The following UBXN4 variants were observed in gnomAD, a reference collection of about 807,000 sequenced individuals.
The protein encoded by UBXN4 is UBX domain protein 4.
A neutral mutation model predicts 66.2 loss-of-function variants in UBXN4; 35 were observed. The observed-to-expected ratio is 0.53, with a 90% CI of 0.40 to 0.70. The LOEUF (loss-of-function observed/expected upper bound fraction) is 0.70, where lower values mean the gene tolerates loss of function less well. Ranked by LOEUF, UBXN4 falls within the 30% of genes least tolerant of loss-of-function variation. UBXN4 has a pLI of 0.00. For missense variants in UBXN4, 533 were observed against 599.8 expected (o/e 0.89, Z 1.16); for synonymous variants, 203 against 204.5 (o/e 0.99, Z 0.06).
At chr2:135,771,293 A>G (rs775266179) in intron 8 of UBXN4, among the ~76,000 whole-genome samples, 1 of 152,124 alleles carries the variant, frequency 6.6e-6, no homozygotes, top group African/African-American at 2.4e-5. Flanking sequence ...CCTGGCCGAC[A>G]TGGTGAAACG....
chr2:135,776,542 G>A (rs2077416065), intron 10 of UBXN4, among the ~76,000 whole-genome samples, 191 bp downstream of exon 10: 1 of 152,206 alleles, frequency 6.6e-6, no homozygotes, highest in Non-Finnish European at 1.5e-5. Context: ...TATCTGCTTT[G>A]TGTGCAGAAG....
Position 135,780,343 on chromosome 2 carries a change from C to T in UBXN4, c.1346C>T (p.Ser449Leu). Reference protein sequence around the residue: ...PTQTSVRVTSSEPPNPASSSK... With the variant: ...PTQTSVRVTSLEPPNPASSSK... ...CAGACTTCAGTGAGAGTAACATCGTCAGAACCCCCAAACCCTGCATCATCT... is the reference window on the plus strand; with the variant it reads ...CAGACTTCAGTGAGAGTAACATCGTTAGAACCCCCAAACCCTGCATCATCT... Residue 449 changes from serine (S) to leucine (L), a missense_variant, in exon 12 of 13, where the codon TCA (serine) becomes TTA (leucine). Transcript: ENST00000272638. 6.2e-7 allele frequency: 1 copy of T among 1,614,184 alleles called. No individual in the cohort carries two copies. Among genetic ancestry groups the T allele is most frequent in the Non-Finnish European group, 8.5e-7 (1 of 1,180,036 alleles).
rs762096740 is a variant in UBXN4, at chr2:135,782,896, GTATAA to G, written c.*13_*17del. The G allele has an allele frequency of 8.7e-6, 14 of 1,603,444 alleles. No homozygotes were observed. Among genetic ancestry groups the G allele is most frequent in the Non-Finnish European group, 1.2e-5 (14 of 1,176,106 alleles). On this transcript the variant is annotated 3_prime_UTR_variant, in exon 13 of 13. Coordinates refer to ENST00000272638, the MANE Select transcript of UBXN4 (RefSeq NM_014607.4). The stretch of plus-strand genomic sequence containing the variant: ...CCACTCAACAGATGTAGTGTGACAA[GTATAA>G]TATGTGCAATAATCATTGTTTCTCT...
chr2:135,778,494 T>G (rs186784745), intron 10 of UBXN4, among the ~76,000 whole-genome samples: 113 of 152,298 alleles, frequency 7.4e-4, no homozygotes, highest in Middle Eastern at 6.8e-3. Flanking sequence ...ATTTATGCCT[T>G]GAGACAAGGA....
At chr2:135,753,629 T>A (rs1237882520) in intron 3 of UBXN4, 62 bp downstream of exon 3, 1 of 1,310,604 alleles carries the variant, frequency 7.6e-7, no homozygotes, top group African/African-American at 1.6e-5. Context: ...TTTGGTTAAT[T>A]TATGAAATTT....
intron 1 of UBXN4, among the ~76,000 whole-genome samples, chr2:135,744,177 A>G (rs533311075): frequency 6.6e-6 from 1 of 152,346 alleles, no homozygotes; most frequent in South Asian, 2.1e-4. Context: ...TCTTAGGTCT[A>G]AGATCTCAGT....
intron 10 of UBXN4, among the ~76,000 whole-genome samples, chr2:135,778,168 C>T (rs2077429315): frequency 7.6e-6 from 1 of 132,270 alleles, no homozygotes; most frequent in Admixed American, 8.6e-5. Context: ...CAGAGCAAGA[C>T]TGTCTCAAAA....
chr2:135,758,132 T>A (rs2077290029), intron 5 of UBXN4, among the ~76,000 whole-genome samples: 1 of 149,970 alleles, frequency 6.7e-6, no homozygotes, highest in Non-Finnish European at 1.5e-5. Flanking sequence ...TGGAGTGCAA[T>A]GGCACAATCT....
At chr2:135,761,721 A>G in intron 5 of UBXN4, 97 bp from the exon 6 acceptor site, 1 of 1,047,748 alleles carries the variant, frequency 9.5e-7, no homozygotes. Flanking sequence ...TGCTTAAGAT[A>G]TAAAATTATT....
chr2:135,772,341 T>G (rs984047242), intron 8 of UBXN4, 79 bp from the exon 9 acceptor site: 3 of 1,533,930 alleles, frequency 2.0e-6, no homozygotes, highest in Admixed American at 4.0e-5. Context: ...AAAAAAAAAT[T>G]CCATGCATAT....
At chr2:135,760,299 C>T (rs1032096319) in intron 5 of UBXN4, among the ~76,000 whole-genome samples, 1 of 151,916 alleles carries the variant, frequency 6.6e-6, no homozygotes, top group African/African-American at 2.4e-5. Flanking sequence ...GGCATGGTAG[C>T]GTGCACTGGT....
intron 2 of UBXN4, 36 bp from the exon 3 acceptor site, chr2:135,753,503 A>G: frequency 6.6e-7 from 1 of 1,508,008 alleles, no homozygotes; most frequent in Non-Finnish European, 8.8e-7. Flanking sequence ...AAATACTTGC[A>G]TTCATCTAGT....
At chr2:135,753,989 CAT>C in intron 3 of UBXN4, 168 bp from the exon 4 acceptor site, 3 of 558,356 alleles carry the variant, frequency 5.4e-6, no homozygotes, top group Non-Finnish European at 6.3e-6. Flanking sequence ...TAACATGTCA[CAT>C]GTATTAATAC....
At chr2:135,762,908 AG>A (rs991329355) in intron 6 of UBXN4, among the ~76,000 whole-genome samples, 1 of 152,174 alleles carries the variant, frequency 6.6e-6, no homozygotes, top group African/African-American at 2.4e-5. Context: ...AATCTGGAAA[AG>A]GGTTTGGAGA....
chr2:135,751,575 G>A (rs1230761854), intron 2 of UBXN4, among the ~76,000 whole-genome samples: 1 of 149,912 alleles, frequency 6.7e-6, no homozygotes, highest in African/African-American at 2.5e-5. Flanking sequence ...CATGCTGATA[G>A]AATCTAGTGT....
chr2:135,772,612 G>T, intron 9 of UBXN4, 65 bp downstream of exon 9: 1 of 1,594,332 alleles, frequency 6.3e-7, no homozygotes, highest in Non-Finnish European at 8.6e-7. Context: ...TTATAAGCTG[G>T]TTTTTAACAC....
At chr2:135,745,559 G>T (rs911740204) in intron 1 of UBXN4, among the ~76,000 whole-genome samples, 1 of 152,220 alleles carries the variant, frequency 6.6e-6, no homozygotes, top group African/African-American at 2.4e-5. Flanking sequence ...ACAGTTCAAT[G>T]CCTAGAACAA....
chr2:135,781,359 A>G (rs2077448077), intron 12 of UBXN4, among the ~76,000 whole-genome samples: 1 of 152,246 alleles, frequency 6.6e-6, no homozygotes, highest in African/African-American at 2.4e-5. Flanking sequence ...GTATTTTCCT[A>G]GAAAGTAAGT....
intron 12 of UBXN4, among the ~76,000 whole-genome samples, chr2:135,781,450 A>G (rs2077448452): frequency 6.6e-6 from 1 of 152,248 alleles, no homozygotes; most frequent in African/African-American, 2.4e-5. Flanking sequence ...GAGGCCTTTT[A>G]TAGGCATTAT....
Sources: gnomAD v4.1 joint callset for allele counts (sites outside exome capture counted in the v4.1 genomes callset) on GRCh38, gnomAD v4.1.1 for gene constraint, MANE v1.5 for transcripts, NCBI Gene and HGNC (gene_info 2026-07-23, HGNC 2026-07-21) for gene names.